The following GRID2 variants were observed in gnomAD, a reference collection of about 807,000 sequenced individuals.
GRID2 encodes the protein glutamate ionotropic receptor delta type subunit 2, also known as glutamate receptor ionotropic, delta-2.
A neutral mutation model predicts 114.8 loss-of-function variants in GRID2; 33 were observed. That is an observed-to-expected ratio of 0.29 (90% CI 0.22 to 0.38). The LOEUF (loss-of-function observed/expected upper bound fraction) is 0.38, where lower values mean the gene tolerates loss of function less well. Ranked by LOEUF, GRID2 falls within the 10% of genes least tolerant of loss-of-function variation. The probability of loss-of-function intolerance (pLI) is 1.00; values close to 1 mark genes in which losing one functional copy is unlikely to be tolerated. For missense variants in GRID2, 1,184 were observed against 1,257.7 expected (o/e 0.94, Z 0.89); for synonymous variants, 505 against 449.9 (o/e 1.12, Z -1.55).
intron 14 of GRID2, among the ~76,000 whole-genome samples, chr4:93,668,697 G>C (rs1449373913): frequency 6.6e-6 from 1 of 151,952 alleles, no homozygotes; most frequent in Non-Finnish European, 1.5e-5. Flanking sequence ...CCTGGATTTT[G>C]GCAAGGTAGG....
chr4:92,900,341 G>C (rs1028255686), intron 2 of GRID2, among the ~76,000 whole-genome samples: 4 of 152,096 alleles, frequency 2.6e-5, no homozygotes, highest in African/African-American at 9.7e-5. Context: ...GCGGAATCTA[G>C]GCTTTTAATT....
At chr4:92,516,680 T>G (rs116690287) in intron 1 of GRID2, among the ~76,000 whole-genome samples, 4,258 of 151,820 alleles carry the variant, frequency 0.028, 149 homozygotes, top group African/African-American at 0.081. Flanking sequence ...ACCATAACCT[T>G]CCCTAAGAGG....
At chr4:93,214,022 T>C (rs1320811824) in intron 5 of GRID2, among the ~76,000 whole-genome samples, 1 of 152,042 alleles carries the variant, frequency 6.6e-6, no homozygotes, top group Non-Finnish European at 1.5e-5. Flanking sequence ...GTTATTGCAA[T>C]GTTAATTCTA....
chr4:92,945,581 A>G lies in GRID2; in HGVS notation c.245-139414A>G, dbSNP rs559918579. On this transcript the variant is annotated intron_variant, in intron 2 of 15. Transcript: ENST00000282020. ...ATAATTGTTATCCTTCGTTTTCTCT[A>G]TTCCAGTGAACGAAGTACCAGTGAT... Among the ~76,000 whole-genome samples, 62 of 152,308 alleles carry G rather than the reference A, an allele frequency of 4.1e-4. 1 individual carries two copies. The highest frequency in any genetic ancestry group is 1.5e-3 in the African/African-American group (61 of 41,574).
intron 14 of GRID2, among the ~76,000 whole-genome samples, chr4:93,725,769 C>A (rs1380808259): frequency 1.3e-5 from 2 of 152,110 alleles, no homozygotes; most frequent in East Asian, 3.8e-4. Context: ...CTTTTGACTG[C>A]ATAAATGTCT....
At chr4:93,511,952 T>A (rs549216317) in intron 12 of GRID2, among the ~76,000 whole-genome samples, 1 of 151,974 alleles carries the variant, frequency 6.6e-6, no homozygotes, top group African/African-American at 2.4e-5. Flanking sequence ...CAGCTAATTT[T>A]TTTTTTGTCT....
chr4:92,354,272 T>C (rs1196306201), intron 1 of GRID2, among the ~76,000 whole-genome samples: 1 of 152,022 alleles, frequency 6.6e-6, no homozygotes, highest in African/African-American at 2.4e-5. Context: ...TGACTTTTTC[T>C]GGTTTCAGCA....
chr4:92,566,402 A>G (rs539663691), intron 1 of GRID2, among the ~76,000 whole-genome samples: 56 of 152,120 alleles, frequency 3.7e-4, no homozygotes, highest in Non-Finnish European at 6.0e-4. Context: ...AAGGGGGACC[A>G]GAAAATTTGT....
intron 4 of GRID2, among the ~76,000 whole-genome samples, chr4:93,125,344 T>C (rs1734166820): frequency 6.6e-6 from 1 of 151,956 alleles, no homozygotes; most frequent in Non-Finnish European, 1.5e-5. Context: ...AATGTAGAAG[T>C]TTTGAAAAAG....
chr4:93,102,088 A>G (rs1053646133), intron 3 of GRID2, among the ~76,000 whole-genome samples: 1 of 152,184 alleles, frequency 6.6e-6, no homozygotes, highest in Non-Finnish European at 1.5e-5. Flanking sequence ...TCTCTTACAA[A>G]TAGCAGAAGT....
chr4:93,721,641 T>C (rs1018003910), intron 14 of GRID2, among the ~76,000 whole-genome samples: 1 of 152,192 alleles, frequency 6.6e-6, no homozygotes, highest in Non-Finnish European at 1.5e-5. Context: ...TTGGAAATAA[T>C]GTATATAAGA....
rs112637682 is a variant in GRID2 at position 93,657,382 on chromosome 4, G to T, written c.2360+30947G>T. Among the ~76,000 whole-genome samples, 487 of 152,172 alleles carry T rather than the reference G, an allele frequency of 3.2e-3. 2 individuals are homozygous for T. The highest frequency in any genetic ancestry group is 0.011 in the African/African-American group (450 of 41,528). On this transcript the variant is annotated intron_variant, in intron 14 of 15. Coordinates refer to ENST00000282020, the MANE Select transcript of GRID2 (RefSeq NM_001510.4). ...GAATACTGAAATTAAACTGTAGATT[G>T]ACTAAATGAACCACTGTTATAGAGC...
chr4:93,765,069 G>T (rs1733534078), intron 14 of GRID2, among the ~76,000 whole-genome samples: 1 of 152,092 alleles, frequency 6.6e-6, no homozygotes, highest in African/African-American at 2.4e-5. Context: ...ATATCTCTTT[G>T]CTTATTATAA....
chr4:93,751,198 A>T (rs957460459), intron 14 of GRID2, among the ~76,000 whole-genome samples: 2 of 152,188 alleles, frequency 1.3e-5, no homozygotes, highest in Admixed American at 6.5e-5. Context: ...CATGTCTGTT[A>T]ACAACCTTGT....
chr4:92,639,106 A>G (rs553617086), intron 2 of GRID2, among the ~76,000 whole-genome samples: 1 of 151,740 alleles, frequency 6.6e-6, no homozygotes, highest in African/African-American at 2.4e-5. Flanking sequence ...GTTTAGAAAT[A>G]ACGTATCTTT....
intron 1 of GRID2, among the ~76,000 whole-genome samples, chr4:92,362,055 G>C (rs1194261612): frequency 6.6e-6 from 1 of 152,012 alleles, no homozygotes; most frequent in African/African-American, 2.4e-5. Context: ...GAGACACTTA[G>C]AAAATCAGAG....
intron 2 of GRID2, among the ~76,000 whole-genome samples, chr4:93,082,939 C>T (rs1196880829): frequency 6.6e-6 from 1 of 152,074 alleles, no homozygotes; most frequent in Non-Finnish European, 1.5e-5. Context: ...ATATATCCTT[C>T]TAAATCTGAA....
At chr4:92,482,782 CTAAT>C (rs1722679156) in intron 1 of GRID2, among the ~76,000 whole-genome samples, 1 of 152,114 alleles carries the variant, frequency 6.6e-6, no homozygotes, top group South Asian at 2.1e-4. Context: ...GAAGATGTTA[CTAAT>C]TAATTCTTCA....
chr4:92,550,552 A>C (rs1726533587), intron 1 of GRID2, among the ~76,000 whole-genome samples: 1 of 152,170 alleles, frequency 6.6e-6, no homozygotes, highest in African/African-American at 2.4e-5. Flanking sequence ...CATATTTATT[A>C]ATGATTGTTT....
Sources: gnomAD v4.1 joint callset for allele counts (sites outside exome capture counted in the v4.1 genomes callset) on GRCh38, gnomAD v4.1.1 for gene constraint, MANE v1.5 for transcripts, NCBI Gene and HGNC (gene_info 2026-07-23, HGNC 2026-07-21) for gene names.